SYNGR1: variants seen among roughly 807,000 people sequenced by gnomAD.
SYNGR1 encodes the protein synaptogyrin-1.
Under a neutral mutation model 26.1 loss-of-function variants are expected in SYNGR1, and 14 were observed. The ratio of observed to expected loss-of-function variants is 0.54; its 90% CI spans 0.35 to 0.84. The LOEUF is 0.84. SYNGR1 is among the 40% of genes least tolerant of loss of function. The pLI is 0.01. For synonymous variants in SYNGR1, 141 were observed against 150.1 expected (o/e 0.94, Z 0.44); for missense variants, 319 against 332.9 (o/e 0.96, Z 0.33).
At chr22:39,367,948 C>T (rs758066440) in intron 1 of SYNGR1, among the ~76,000 whole-genome samples, 2 of 152,060 alleles carry the variant, frequency 1.3e-5, no homozygotes, top group Non-Finnish European at 2.9e-5. Flanking sequence ...CCTCATCGTA[C>T]AAAACCTTTT....
intron 3 of SYNGR1, chr22:39,379,890 C>T (rs1303797972): frequency 6.6e-6 from 1 of 152,184 alleles, no homozygotes; most frequent in African/African-American, 2.4e-5. Context: ...TTCTAGGCCT[C>T]AATCTTCCCA....
Position 39,370,340 on chromosome 22 carries a change from C to T in SYNGR1, c.100-3976C>T, listed in dbSNP as rs140491915. ...GGAGATGGGGTTTCACCGTGTTAGC[C>T]AGGATGGTCTCAATCTCCTGACCTC... On this transcript the variant is annotated intron_variant, in intron 1 of 3. Transcript: ENST00000328933. Among the ~76,000 whole-genome samples, 1,147 of 152,060 alleles carry T rather than the reference C, an allele frequency of 7.5e-3. 21 individuals carry two copies. Among genetic ancestry groups the T allele is most frequent in the African/African-American group, 0.026 (1,087 of 41,464 alleles).
At chr22:39,356,557 A>G (rs1485852257) in intron 1 of SYNGR1, among the ~76,000 whole-genome samples, 1 of 152,172 alleles carries the variant, frequency 6.6e-6, no homozygotes, top group East Asian at 1.9e-4. Context: ...CCTGAGCCCC[A>G]GGGAGAAAAA....
chr22:39,366,204 G>A (rs998936046), intron 1 of SYNGR1, among the ~76,000 whole-genome samples: 1 of 145,532 alleles, frequency 6.9e-6, no homozygotes, highest in Non-Finnish European at 1.5e-5. Flanking sequence ...GGCTCACCCA[G>A]GAGTGATCAC....
chr22:39,372,192 G>A (rs938624594), intron 1 of SYNGR1, among the ~76,000 whole-genome samples: 9 of 143,074 alleles, frequency 6.3e-5, no homozygotes, highest in African/African-American at 2.3e-4. Context: ...GTGCAGTGGG[G>A]TTGATCTTGG....
intron 1 of SYNGR1, among the ~76,000 whole-genome samples, chr22:39,363,489 C>T (rs1420202728): frequency 1.3e-5 from 2 of 151,560 alleles, no homozygotes; most frequent in Non-Finnish European, 2.9e-5. Context: ...TTGGAGGGGT[C>T]GAGTATGAAC....
chr22:39,376,780 C>T (rs1325010464), intron 3 of SYNGR1, among the ~76,000 whole-genome samples: 1 of 152,204 alleles, frequency 6.6e-6, no homozygotes, highest in African/African-American at 2.4e-5. Flanking sequence ...AAGAGGGTAC[C>T]TCTGCTCGGC....
chr22:39,376,396 A>G (rs529199636), intron 3 of SYNGR1, among the ~76,000 whole-genome samples, 199 bp downstream of exon 3: 1 of 152,220 alleles, frequency 6.6e-6, no homozygotes, highest in African/African-American at 2.4e-5. Context: ...CCTCGGGGGT[A>G]GCATGGTCAC....
intron 1 of SYNGR1, among the ~76,000 whole-genome samples, chr22:39,371,946 C>G (rs528620832): frequency 6.6e-6 from 1 of 152,206 alleles, no homozygotes; most frequent in Non-Finnish European, 1.5e-5. Flanking sequence ...TGCTGCACAA[C>G]AAATTGCCCT....
intron 1 of SYNGR1, among the ~76,000 whole-genome samples, chr22:39,371,112 T>C (rs958648167): frequency 1.3e-5 from 2 of 152,194 alleles, no homozygotes; most frequent in Admixed American, 1.3e-4. Context: ...ATTTTTCACA[T>C]ACCTGTCCTG....
chr22:39,360,969 C>G (rs1220206650), intron 1 of SYNGR1, among the ~76,000 whole-genome samples: 1 of 152,226 alleles, frequency 6.6e-6, no homozygotes, highest in Non-Finnish European at 1.5e-5. Context: ...AGGGCCCCAA[C>G]TATGGATGGA....
chr22:39,351,097 G>A (rs989767718), intron 1 of SYNGR1, among the ~76,000 whole-genome samples: 3 of 152,208 alleles, frequency 2.0e-5, no homozygotes, highest in Non-Finnish European at 4.4e-5. Context: ...CTGGGGTCTG[G>A]AGAGGGGGTT....
rs973068909 is a variant in SYNGR1, at chr22:39,383,938, T to C, written c.*2024T>C. On this transcript the variant is annotated 3_prime_UTR_variant, in exon 4 of 4. Coordinates refer to ENST00000328933, the MANE Select transcript of SYNGR1 (RefSeq NM_004711.5). ...TGATGGAGAGGACCCCAGCCAGCTGTGTGACAGCTGGTTGTTGCTGACTTC... is the reference window on the plus strand; with the variant it reads ...TGATGGAGAGGACCCCAGCCAGCTGCGTGACAGCTGGTTGTTGCTGACTTC... The C allele has an allele frequency of 6.6e-6, 1 of 151,950 alleles. No homozygotes were observed. Among genetic ancestry groups the C allele is most frequent in the Non-Finnish European group, 1.5e-5 (1 of 67,970 alleles). 9.4% of individuals were successfully genotyped at this position (151,950 alleles called of 1,614,324 possible).
At chr22:39,351,037 G>A (rs1439381049) in intron 1 of SYNGR1, among the ~76,000 whole-genome samples, 1 of 152,202 alleles carries the variant, frequency 6.6e-6, no homozygotes, top group African/African-American at 2.4e-5. Context: ...AGTGAGCACA[G>A]AGGGAGGGGT....
At chr22:39,378,347 C>T (rs1925384908) in intron 3 of SYNGR1, 2 of 973,462 alleles carry the variant, frequency 2.1e-6, no homozygotes, top group African/African-American at 1.8e-5. Flanking sequence ...TTAGCACAAG[C>T]ATGCTCAATA....
At position 39,382,856 on chromosome 22, in the gene SYNGR1, G is replaced by A. The variant is rs1177216946; in HGVS notation, c.*942G>A. The A allele has an allele frequency of 6.6e-6, 1 of 152,514 alleles. No individual in the cohort carries two copies. The highest frequency in any genetic ancestry group is 1.9e-4 in the East Asian group (1 of 5,218). The allele number at this position is 152,514 out of a possible 1,614,324, so 9.4% of individuals were successfully genotyped here. On this transcript the variant is annotated 3_prime_UTR_variant, in exon 4 of 4. Coordinates refer to ENST00000328933, the MANE Select transcript of SYNGR1 (RefSeq NM_004711.5). ...CGTGTCCCACAGACGCTTGTTCCAG[G>A]GGGCTCCAGCAAACCCCTTCGTGGT...
At chr22:39,356,843 C>G (rs1017768618) in intron 1 of SYNGR1, among the ~76,000 whole-genome samples, 2 of 152,184 alleles carry the variant, frequency 1.3e-5, no homozygotes, top group African/African-American at 4.8e-5. Context: ...CCCCATCTAT[C>G]AAATGGGAAA....
In SYNGR1 at chr22:39,377,190, C is replaced by T. The variant is rs898756655; in HGVS notation, c.483+993C>T. ...TTTCCCCCATCCTTCTGGTTTGCCC[C>T]GGGTTGACGTCTTTTTCTTTTTGAG... On this transcript the variant is annotated intron_variant, in intron 3 of 3. Transcript: ENST00000328933. 1.3e-5 allele frequency: 19 copies of T among 1,446,050 alleles called. No individual in the cohort carries two copies. In the East Asian group the frequency reaches 1.8e-4, roughly 13 times the overall value. The allele number at this position is 1,446,050 out of a possible 1,614,324, so 89.6% of individuals were successfully genotyped here. A position where few individuals can be genotyped will look rare whatever the true frequency, so the allele number is the denominator to read the frequency against.
At chr22:39,358,198 T>C (rs1924265629) in intron 1 of SYNGR1, among the ~76,000 whole-genome samples, 1 of 152,226 alleles carries the variant, frequency 6.6e-6, no homozygotes, top group Non-Finnish European at 1.5e-5. Context: ...TGGTGGGGCC[T>C]TGGAGAACCT....
Sources: allele counts gnomAD v4.1 joint callset (sites outside exome capture counted in the v4.1 genomes callset), GRCh38; gene constraint gnomAD v4.1.1; transcripts MANE v1.5; gene names NCBI Gene and HGNC (gene_info 2026-07-23, HGNC 2026-07-21).